ARHGAP20: variants seen among roughly 807,000 people sequenced by gnomAD.
ARHGAP20 encodes the protein rho GTPase-activating protein 20.
Under a neutral mutation model 73.7 loss-of-function variants are expected in ARHGAP20, and 34 were observed. The ratio of observed to expected loss-of-function variants is 0.46; its 90% CI spans 0.35 to 0.61. ARHGAP20 has a LOEUF of 0.61. Among genes scored for constraint, ARHGAP20 ranks in the 20% least tolerant of loss-of-function variants. The pLI, the probability that ARHGAP20 is intolerant of heterozygous loss-of-function variation, is 0.00. For missense variants in ARHGAP20, 1,314 were observed against 1,420.9 expected (o/e 0.92, Z 1.21); for synonymous variants, 523 against 518.2 (o/e 1.01, Z -0.13).
rs780622310 is a variant in ARHGAP20, at chr11:110,580,046, G to A, written c.2900C>T (p.Thr967Ile). The stretch of plus-strand genomic sequence containing the variant: ...TATTGGAGAGGAAGTCTCAGTGGGT[G>A]TAAACACAGAGTGTTCAGAAATCTG... ...FSQISEHSVF[T>I]PTETSSPIDC... Residue 967 changes from threonine (T) to isoleucine (I), a missense_variant, in exon 15 of 15, where the codon ACA (threonine) becomes ATA (isoleucine). Physicochemically the swap from Thr to Ile is moderately conservative, Grantham distance 89 (BLOSUM62 -1). Transcript: ENST00000683387. The A allele has an allele frequency of 2.2e-5, 35 of 1,614,102 alleles. No individual in the cohort carries two copies. Among genetic ancestry groups the A allele is most frequent in the Non-Finnish European group, 2.9e-5 (34 of 1,180,052 alleles).
At chr11:110,653,650 G>A (rs151180064) in intron 2 of ARHGAP20, among the ~76,000 whole-genome samples, 22 of 152,242 alleles carry the variant, frequency 1.4e-4, no homozygotes, top group Admixed American at 2.6e-4. Flanking sequence ...CAACCATTGC[G>A]GAAGACAGTG....
chr11:110,705,302 A>G (rs547981683), intron 1 of ARHGAP20, among the ~76,000 whole-genome samples: 82 of 152,232 alleles, frequency 5.4e-4, no homozygotes, highest in African/African-American at 1.9e-3. Context: ...TCCACTGAAC[A>G]TGTTCCACCT....
chr11:110,646,110 G>A (rs776240517), intron 2 of ARHGAP20, among the ~76,000 whole-genome samples: 6 of 151,992 alleles, frequency 3.9e-5, no homozygotes, highest in Non-Finnish European at 7.4e-5. Context: ...TGTACCTCCT[G>A]ATTTAAAATA....
Position 110,624,253 on chromosome 11 carries a change from T to C in ARHGAP20, c.412A>G (p.Ser138Gly). The C allele has an allele frequency of 1.9e-6, 3 of 1,612,006 alleles. No individual in the cohort carries two copies. The highest frequency in any genetic ancestry group is 8.5e-7 in the Non-Finnish European group (1 of 1,178,750). The change falls in exon 4 of 15, where the codon AGC (serine) becomes GGC (glycine). Residue 138 changes from serine (S) to glycine (G), a missense_variant. Ser to Gly is a moderately conservative substitution (Grantham distance 56). This residue lies in a region of ARHGAP20 where 443 missense variants were observed against 466.4 expected (regional missense o/e 0.95). Transcript: ENST00000683387. ...KIKLTDMWTA[S>G]CVDEVGEGNT... Reference sequence around the variant, plus strand: ...CCTTCTCCCACTTCATCCACACAGCTTGCTGTCCACATATCAGTTAATTTA... The same window carrying C: ...CCTTCTCCCACTTCATCCACACAGCCTGCTGTCCACATATCAGTTAATTTA...
At chr11:110,642,005 G>T (rs572321635) in intron 2 of ARHGAP20, among the ~76,000 whole-genome samples, 33 of 152,160 alleles carry the variant, frequency 2.2e-4, no homozygotes, top group South Asian at 4.1e-4. Flanking sequence ...TATGCTTACT[G>T]GGAACTCCAA....
At chr11:110,711,673 C>T in intron 1 of ARHGAP20, 1 of 1,461,884 alleles carries the variant, frequency 6.8e-7, no homozygotes, top group Non-Finnish European at 9.0e-7. Context: ...TCAGCGCCGG[C>T]TGCCGCTCCC....
chr11:110,647,879 G>A (rs931067107), intron 2 of ARHGAP20, among the ~76,000 whole-genome samples: 1 of 151,784 alleles, frequency 6.6e-6, no homozygotes, highest in South Asian at 2.1e-4. Flanking sequence ...GCCAGGAAAG[G>A]ATCTCCCGTC....
chr11:110,578,285 T>A lies in ARHGAP20; in HGVS notation c.*1085A>T, dbSNP rs2134765273. 3.0e-6 allele frequency: 3 copies of A among 985,426 alleles called. No homozygotes were observed. Among genetic ancestry groups the A allele is most frequent in the Middle Eastern group, 1.0e-3 (2 of 1,914 alleles). The allele number at this position is 985,426 out of a possible 1,614,324, so 61.0% of individuals were successfully genotyped here. A position where few individuals can be genotyped will look rare whatever the true frequency, so the allele number is the denominator to read the frequency against. ...CTGAGAAGGCCTGGCAGCCACTTTG[T>A]TGGGTATTCTATTGTGGGACTCCTT... On this transcript the variant is annotated 3_prime_UTR_variant, in exon 15 of 15. Transcript: ENST00000683387.
In ARHGAP20 at chr11:110,580,766, C is replaced by A. The variant is rs777145556; in HGVS notation, c.2180G>T (p.Arg727Leu). Residue 727 changes from arginine (R) to leucine (L), a missense_variant, in exon 15 of 15, where the codon CGC (arginine) becomes CTC (leucine). Arg to Leu is a moderately radical substitution (Grantham distance 102). This residue lies in a region of ARHGAP20 where 641 missense variants were observed against 636.9 expected (regional missense o/e 1.01). Transcript: ENST00000683387. ...YLREFYQKKL[R>L]KSSCDAILSQ... Reference sequence around the variant, plus strand: ...AAGAATTGCATCACAGCTGGACTTGCGTAGCTTTTTCTGATAAAACTCCCT... The same window carrying A: ...AAGAATTGCATCACAGCTGGACTTGAGTAGCTTTTTCTGATAAAACTCCCT... 6.2e-7 allele frequency: 1 copy of A among 1,613,694 alleles called. No individual in the cohort carries two copies. Among genetic ancestry groups the A allele is most frequent in the Non-Finnish European group, 8.5e-7 (1 of 1,179,944 alleles).
At chr11:110,639,247 C>T (rs56056935) in intron 2 of ARHGAP20, among the ~76,000 whole-genome samples, 1 of 146,082 alleles carries the variant, frequency 6.8e-6, no homozygotes, top group Non-Finnish European at 1.5e-5. Context: ...TACCCCCCCC[C>T]CACAAGAGTT....
intron 4 of ARHGAP20, 147 bp from the exon 5 acceptor site, chr11:110,615,741 G>A (rs1342598582): frequency 1.5e-5 from 10 of 685,334 alleles, no homozygotes; most frequent in Non-Finnish European, 2.3e-5. Flanking sequence ...TGGCATAATT[G>A]TGTTCTGGAG....
chr11:110,626,681 C>A (rs2134942776), intron 3 of ARHGAP20, among the ~76,000 whole-genome samples: 1 of 151,962 alleles, frequency 6.6e-6, no homozygotes, highest in East Asian at 1.9e-4. Flanking sequence ...GCACCTGAAA[C>A]CCGGGTGAAG....
intron 2 of ARHGAP20, among the ~76,000 whole-genome samples, chr11:110,667,985 C>T (rs1949757735): frequency 6.6e-6 from 1 of 152,162 alleles, no homozygotes; most frequent in Non-Finnish European, 1.5e-5. Context: ...GCTGAAATGA[C>T]AACAAAGGAC....
chr11:110,650,214 A>G (rs1048512627), intron 2 of ARHGAP20, among the ~76,000 whole-genome samples: 3 of 152,114 alleles, frequency 2.0e-5, no homozygotes, highest in African/African-American at 4.8e-5. Context: ...CACTTTAATT[A>G]TAGTATGTAT....
Position 110,579,154 on chromosome 11 carries a change from G to A in ARHGAP20, c.*216C>T, listed in dbSNP as rs1947365211. The A allele has an allele frequency of 3.3e-6, 4 of 1,221,574 alleles. No individual in the cohort carries two copies. The highest frequency in any genetic ancestry group is 4.1e-6 in the Non-Finnish European group (4 of 974,732). 75.7% of individuals were successfully genotyped at this position (1,221,574 alleles called of 1,614,324 possible). On this transcript the variant is annotated 3_prime_UTR_variant, in exon 15 of 15. Transcript: ENST00000683387. ...CAGGACCAATCCCAACCTTTAATAAGAAAAAGCCTCCCAAACACTTAGGTG... is the reference window on the plus strand; with the variant it reads ...CAGGACCAATCCCAACCTTTAATAAAAAAAAGCCTCCCAAACACTTAGGTG...
At chr11:110,627,899 T>C (rs1258630849) in intron 3 of ARHGAP20, among the ~76,000 whole-genome samples, 2 of 152,196 alleles carry the variant, frequency 1.3e-5, no homozygotes, top group East Asian at 1.9e-4. Context: ...CAAATGCATA[T>C]CAAAAGTGGT....
chr11:110,695,216 A>G (rs575980510), intron 1 of ARHGAP20, among the ~76,000 whole-genome samples: 83 of 151,742 alleles, frequency 5.5e-4, no homozygotes, highest in Non-Finnish European at 9.0e-4. Context: ...TAAAAGTACC[A>G]GCTAAAAATT....
At chr11:110,679,749 A>G (rs1000181359) in intron 2 of ARHGAP20, among the ~76,000 whole-genome samples, 2 of 152,224 alleles carry the variant, frequency 1.3e-5, no homozygotes, top group Admixed American at 6.5e-5. Flanking sequence ...CCAGGGTCAC[A>G]TAGTGCTAGA....
At chr11:110,624,359 A>C (rs1948691573) in intron 3 of ARHGAP20, 48 bp from the exon 4 acceptor site, 1 of 1,437,308 alleles carries the variant, frequency 7.0e-7, no homozygotes, top group Non-Finnish European at 9.2e-7. Context: ...TTGTTTCTTA[A>C]ATTTTATGGG....
Sources: gnomAD v4.1 joint callset for allele counts (sites outside exome capture counted in the v4.1 genomes callset) on GRCh38, gnomAD v4.1.1 for gene constraint, gnomAD v4.1.1 regional missense constraint, MANE v1.5 for transcripts, NCBI Gene and HGNC (gene_info 2026-07-23, HGNC 2026-07-21) for gene names.